SHISA9: variants seen among roughly 807,000 people sequenced by gnomAD.
The protein encoded by SHISA9 is protein shisa-9.
A neutral mutation model predicts 38.0 loss-of-function variants in SHISA9; 13 were observed. The observed-to-expected ratio is 0.34, with a 90% confidence interval of 0.22 to 0.54. The LOEUF (loss-of-function observed/expected upper bound fraction) is 0.54. SHISA9 is among the 20% of genes least tolerant of loss of function. The pLI is 0.91. For synonymous variants in SHISA9, 275 were observed against 242.0 expected, an observed-to-expected ratio of 1.14 and a Z score of -1.27; for missense variants, 538 against 575.8, an observed-to-expected ratio of 0.93 and a Z score of 0.67.
At chr16:13,482,341 C>T in the SHISA9 span, among the ~76,000 whole-genome samples, 20 of 152,378 alleles carry the variant, frequency 1.3e-4, no homozygotes, top group South Asian at 4.1e-3. Context: ...CTTCCTCTTG[C>T]CCTTGCAGGC....
At chr16:13,486,003 G>A in the SHISA9 span, among the ~76,000 whole-genome samples, 1 of 152,078 alleles carries the variant, frequency 6.6e-6, no homozygotes, top group African/African-American at 2.4e-5. Flanking sequence ...ATATTCTATT[G>A]TTTCACTCCC....
At chr16:13,324,063 C>G in the SHISA9 span, among the ~76,000 whole-genome samples, 2 of 152,164 alleles carry the variant, frequency 1.3e-5, no homozygotes, top group Non-Finnish European at 2.9e-5. Flanking sequence ...CTCTCTTGCT[C>G]CCTCTCGTGC....
intron 2 of SHISA9, among the ~76,000 whole-genome samples, chr16:13,025,178 A>G (rs1206533293): frequency 1.3e-5 from 2 of 152,110 alleles, no homozygotes; most frequent in Non-Finnish European, 2.9e-5. Context: ...TTGTCTATTT[A>G]TTATACAGGG....
the SHISA9 span, among the ~76,000 whole-genome samples, chr16:13,280,117 C>T: frequency 9.6e-4 from 99 of 102,818 alleles, no homozygotes; most frequent in African/African-American, 2.8e-3. Flanking sequence ...CTCTCTTTCT[C>T]TTTTTTTTTT....
chr16:13,277,112 C>A, the SHISA9 span, among the ~76,000 whole-genome samples: 44 of 152,152 alleles, frequency 2.9e-4, no homozygotes, highest in South Asian at 8.7e-3. Context: ...GATGAGGATC[C>A]AGTTTCATTC....
chr16:13,193,672 T>G (rs8054294), intron 2 of SHISA9, among the ~76,000 whole-genome samples: 78,150 of 152,020 alleles, frequency 0.51, 21,361 homozygotes, highest in African/African-American at 0.71. Flanking sequence ...GCACATGACT[T>G]TTGTCTGAGT....
At chr16:13,460,914 T>C in the SHISA9 span, among the ~76,000 whole-genome samples, 1 of 152,194 alleles carries the variant, frequency 6.6e-6, no homozygotes, top group African/African-American at 2.4e-5. Context: ...AACCAGCCGC[T>C]CAGTATGGCA....
chr16:13,454,437 T>A, the SHISA9 span, among the ~76,000 whole-genome samples: 1 of 152,218 alleles, frequency 6.6e-6, no homozygotes, highest in Non-Finnish European at 1.5e-5. Flanking sequence ...ACGTATTAAA[T>A]ATCGTAATAG....
chr16:13,502,570 T>C, the SHISA9 span, among the ~76,000 whole-genome samples: 1 of 152,066 alleles, frequency 6.6e-6, no homozygotes, highest in South Asian at 2.1e-4. Context: ...CATTGCGGTA[T>C]TTAAAATGCA....
chr16:13,308,834 A>G, the SHISA9 span, among the ~76,000 whole-genome samples: 1 of 152,230 alleles, frequency 6.6e-6, no homozygotes, highest in South Asian at 2.1e-4. Context: ...AGATAGGTGA[A>G]CAGGGTAAAA....
chr16:13,234,712 G>A (rs920907215), intron 4 of SHISA9, among the ~76,000 whole-genome samples: 6 of 152,158 alleles, frequency 3.9e-5, no homozygotes, highest in African/African-American at 1.4e-4. Context: ...AACAACACGC[G>A]AATTTCATAG....
intron 2 of SHISA9, among the ~76,000 whole-genome samples, chr16:13,095,379 A>G (rs938977850): frequency 3.9e-5 from 6 of 152,240 alleles, no homozygotes; most frequent in African/African-American, 1.4e-4. Flanking sequence ...CAGAGGTTGC[A>G]CATCTTAACA....
chr16:12,916,820 G>GTACT lies in SHISA9; in HGVS notation c.691+8_691+9insTTAC, dbSNP rs2141721414. ...GAACCCCCATAAATAATCTTCGTAA[G>GTACT]TACAGCTGCATGAACCATTTCCAGT... On this transcript the variant is annotated splice_donor_region_variant and intron_variant, in intron 2 of 4. Coordinates refer to ENST00000558583, the MANE Select transcript of SHISA9 (RefSeq NM_001145204.3). 1 of 1,551,262 alleles carries GTACT rather than the reference G, an allele frequency of 6.4e-7. No individual in the cohort carries two copies. Among genetic ancestry groups the GTACT allele is most frequent in the South Asian group, 1.2e-5 (1 of 83,996 alleles).
chr16:13,248,514 G>A, the SHISA9 span, among the ~76,000 whole-genome samples: 3 of 152,194 alleles, frequency 2.0e-5, no homozygotes, highest in Non-Finnish European at 4.4e-5. Context: ...TTCTAGTTAT[G>A]TGACCTTGGG....
intron 2 of SHISA9, among the ~76,000 whole-genome samples, chr16:13,078,641 T>G (rs749175773): frequency 9.9e-5 from 15 of 152,166 alleles, no homozygotes; most frequent in Non-Finnish European, 2.2e-4. Context: ...CCTGGCCTCA[T>G]GTGACCCGCC....
the SHISA9 span, among the ~76,000 whole-genome samples, chr16:13,497,210 A>G: frequency 6.6e-6 from 1 of 152,204 alleles, no homozygotes; most frequent in Non-Finnish European, 1.5e-5. Context: ...ATACTTTGAT[A>G]CATGTTTACG....
chr16:12,974,680 G>T lies in SHISA9; in HGVS notation c.691+57865G>T, dbSNP rs370816746. On this transcript the variant is annotated intron_variant, in intron 2 of 4. Coordinates refer to ENST00000558583, the MANE Select transcript of SHISA9 (RefSeq NM_001145204.3). Reference sequence around the variant, plus strand: ...TTTATTATTAGTAGAGCGGGGTTTTGCCATGTTGACCAGGCTGGTCTTGAA... The same window carrying T: ...TTTATTATTAGTAGAGCGGGGTTTTTCCATGTTGACCAGGCTGGTCTTGAA... Among the ~76,000 whole-genome samples, 26 of 151,682 alleles carry T rather than the reference G, an allele frequency of 1.7e-4. No homozygotes were observed. In the East Asian group the frequency reaches 2.3e-3, roughly 14 times the overall value.
the SHISA9 span, among the ~76,000 whole-genome samples, chr16:13,269,499 A>G: frequency 1.3e-5 from 2 of 152,188 alleles, no homozygotes; most frequent in Admixed American, 6.5e-5. Context: ...CTTCCCCTCT[A>G]TGGTCTCTTA....
chr16:13,358,511 G>C, the SHISA9 span, among the ~76,000 whole-genome samples: 7 of 152,134 alleles, frequency 4.6e-5, no homozygotes, highest in Non-Finnish European at 1.0e-4. Context: ...AATATTCCGT[G>C]AGGATGTTGC....
Sources: gnomAD v4.1 joint callset for allele counts (sites outside exome capture counted in the v4.1 genomes callset) on GRCh38, gnomAD v4.1.1 for gene constraint, MANE v1.5 for transcripts, NCBI Gene and HGNC (gene_info 2026-07-23, HGNC 2026-07-21) for gene names.